Variants in DNAI1 observed in about 807,000 individuals in gnomAD.
The protein encoded by DNAI1 is dynein axonemal intermediate chain 1.
In DNAI1, 67 loss-of-function variants were observed where a neutral mutation model predicts 92.0. The observed-to-expected ratio is 0.73, with a 90% CI of 0.60 to 0.89. The LOEUF (loss-of-function observed/expected upper bound fraction) is 0.89. DNAI1 is among the 40% of genes least tolerant of loss of function. DNAI1 has a pLI of 0.00. For synonymous variants in DNAI1, 323 were observed against 319.6 expected, an observed-to-expected ratio of 1.01 and a Z score of -0.11; for missense variants, 839 against 866.6, an observed-to-expected ratio of 0.97 and a Z score of 0.40.
intron 1 of DNAI1, among the ~76,000 whole-genome samples, chr9:34,483,031 G>A (rs1187899851): frequency 6.6e-6 from 1 of 152,200 alleles, no homozygotes; most frequent in Non-Finnish European, 1.5e-5. Flanking sequence ...ATTGCCCGGG[G>A]CCAGCAGGGC....
intron 16 of DNAI1, among the ~76,000 whole-genome samples, chr9:34,513,444 C>G (rs541763747): frequency 1.3e-5 from 2 of 152,276 alleles, no homozygotes; most frequent in East Asian, 3.9e-4. Context: ...CCCTCCCTCC[C>G]TTCCTGGGAG....
At position 34,490,006 on chromosome 9, in the gene DNAI1, A is replaced by G. The variant is rs878854966; in HGVS notation, c.389-6A>G. 9.3e-6 allele frequency: 15 copies of G among 1,613,896 alleles called. No individual in the cohort carries two copies. The highest frequency in any genetic ancestry group is 1.2e-5 in the Non-Finnish European group (14 of 1,179,952). ...ACTTTGAACTCATTGGCAGTATCCT[A>G]CCAAGGTTCTCAGGAGTCTGTCAAG... On this transcript the variant is annotated splice_polypyrimidine_tract_variant and splice_region_variant and intron_variant, in intron 5 of 19. Coordinates refer to ENST00000242317, the MANE Select transcript of DNAI1 (RefSeq NM_012144.4).
At chr9:34,494,741 G>T (rs1824681729) in intron 9 of DNAI1, among the ~76,000 whole-genome samples, 1 of 152,172 alleles carries the variant, frequency 6.6e-6, no homozygotes, top group Non-Finnish European at 1.5e-5. Context: ...CAGCTTAGCT[G>T]ACTTGGAAGA....
intron 1 of DNAI1, among the ~76,000 whole-genome samples, chr9:34,480,704 GA>G (rs2132052726): frequency 6.6e-6 from 1 of 152,282 alleles, no homozygotes; most frequent in South Asian, 2.1e-4. Context: ...AGCACATTGG[GA>G]GGCTGAAGCG....
rs1564030943 is a variant in DNAI1, at chr9:34,483,461, GCAGAGGAAC to G, written c.66_74del (p.Gly23_Arg25del). 6.2e-7 allele frequency: 1 copy of G among 1,612,322 alleles called. No homozygotes were observed. The highest frequency in any genetic ancestry group is 1.1e-5 in the South Asian group (1 of 91,040). ...TTCTTCATTTAGAGCATCAGCATAG[GCAGAGGAAC>G]CAGGAAGAGAGTAAGTGCTGAGACT... is the stretch of plus-strand genomic sequence containing the variant. On this transcript the variant is annotated inframe_deletion, in exon 2 of 20. Coordinates refer to ENST00000242317, the MANE Select transcript of DNAI1 (RefSeq NM_012144.4).
rs1390287729 is a variant in DNAI1 at position 34,490,379 on chromosome 9, A to G, written c.512A>G (p.Lys171Arg). ...GGTCTTTATTTTCAGGCAGCTGAAA[A>G]AGTGACTGAAGAAGAATTGATGACT... ...TDVPAAGAAE[K>R]VTEEELMTPK... The change falls in exon 7 of 20, where the codon AAA becomes AGA. Residue 171 changes from lysine to arginine, a missense_variant. Coordinates refer to ENST00000242317, the MANE Select transcript of DNAI1 (RefSeq NM_012144.4). 1.9e-6 allele frequency: 3 copies of G among 1,614,156 alleles called. No individual in the cohort carries two copies. The highest frequency in any genetic ancestry group is 2.5e-6 in the Non-Finnish European group (3 of 1,180,034).
At chr9:34,469,970 A>G (rs894265114) in intron 1 of DNAI1, among the ~76,000 whole-genome samples, 12 of 152,262 alleles carry the variant, frequency 7.9e-5, no homozygotes, top group African/African-American at 2.9e-4. Flanking sequence ...CACTGTATAC[A>G]GAAATAAAAT....
At chr9:34,514,311 AG>A (rs1452082077) in intron 16 of DNAI1, 82 bp from the exon 17 acceptor site, 13 of 1,560,676 alleles carry the variant, frequency 8.3e-6, no homozygotes, top group Admixed American at 3.3e-5. Context: ...CAGGAGTCTA[AG>A]GCTCTGATCC....
intron 16 of DNAI1, among the ~76,000 whole-genome samples, chr9:34,513,627 G>A (rs1451075065): frequency 1.3e-5 from 2 of 152,210 alleles, no homozygotes; most frequent in Non-Finnish European, 2.9e-5. Flanking sequence ...AGTGGTAGTA[G>A]GTGAACGTCC....
rs375547221 is a variant in DNAI1, at chr9:34,489,420, G to A, written c.359G>A (p.Arg120Gln). The change falls in exon 5 of 20, where the codon CGG (arginine) becomes CAG (glutamine). Residue 120 changes from arginine (R) to glutamine (Q), a missense_variant. Arg to Gln is a conservative substitution (Grantham distance 43, BLOSUM62 1). Transcript: ENST00000242317. ...LIPKDSDEGR[R>Q]QHYRDELVAG... ...CCCAAAGACTCAGATGAAGGACGGC[G>A]GCAGCATTACCGCGATGAATTAGTG... The A allele has an allele frequency of 1.5e-5, 25 of 1,613,852 alleles. No individual in the cohort carries two copies. The highest frequency in any genetic ancestry group is 1.7e-4 in the Middle Eastern group (1 of 6,000).
intron 1 of DNAI1, among the ~76,000 whole-genome samples, chr9:34,482,454 G>T (rs568074234): frequency 5.8e-4 from 87 of 150,678 alleles, no homozygotes; most frequent in African/African-American, 2.1e-3. Flanking sequence ...GCTAAACACA[G>T]GGTGCTGATT....
In DNAI1 at chr9:34,501,182, G is replaced by A. The variant is rs1268770869; in HGVS notation, c.1063+1G>A. The A allele has an allele frequency of 6.2e-7, 1 of 1,611,408 alleles. No individual in the cohort carries two copies. Among genetic ancestry groups the A allele is most frequent in the Non-Finnish European group, 8.5e-7 (1 of 1,177,522 alleles). ...CTGTTTGCAGTGGGATATGGCTCTT[G>A]TAAGTGATCTGACTATTCATTTATT... On this transcript the variant is annotated splice_donor_variant, in intron 12 of 19. Coordinates refer to ENST00000242317, the MANE Select transcript of DNAI1 (RefSeq NM_012144.4). LOFTEE classifies it high-confidence loss of function.
At chr9:34,467,333 C>T (rs1475797011) in intron 1 of DNAI1, among the ~76,000 whole-genome samples, 1 of 152,084 alleles carries the variant, frequency 6.6e-6, no homozygotes, top group African/African-American at 2.4e-5. Context: ...CATGATGGCT[C>T]ATGGCTGTAA....
At chr9:34,483,777 C>A (rs907818461) in intron 2 of DNAI1, among the ~76,000 whole-genome samples, 1 of 152,220 alleles carries the variant, frequency 6.6e-6, no homozygotes, top group South Asian at 2.1e-4. Flanking sequence ...ACATGTTTTT[C>A]ACATAAAATA....
intron 1 of DNAI1, among the ~76,000 whole-genome samples, chr9:34,460,078 G>A (rs1823918948): frequency 6.6e-6 from 1 of 152,134 alleles, no homozygotes; most frequent in African/African-American, 2.4e-5. Flanking sequence ...GATTCATTCA[G>A]CTATGTGAAC....
chr9:34,506,708 G>A lies in DNAI1; in HGVS notation c.1145G>A (p.Ser382Asn), dbSNP rs141690214. Reference sequence around the variant, plus strand: ...AGCTTCCCTGAGTACATGTTCAGCAGCAACAGCGGCGTCATGTGTCTCGAC... The same window carrying A: ...AGCTTCCCTGAGTACATGTTCAGCAACAACAGCGGCGTCATGTGTCTCGAC... ...NPSFPEYMFS[S>N]NSGVMCLDIH... The change falls in exon 13 of 20, where the codon AGC becomes AAC. Residue 382 changes from serine to asparagine, a missense_variant. Coordinates refer to ENST00000242317, the MANE Select transcript of DNAI1 (RefSeq NM_012144.4). 7.9e-5 allele frequency: 128 copies of A among 1,614,096 alleles called. No individual in the cohort carries two copies. The African/African-American group carries it at 1.6e-3, about 20-fold the overall frequency.
intron 1 of DNAI1, among the ~76,000 whole-genome samples, chr9:34,465,223 A>G (rs1190601199): frequency 6.6e-6 from 1 of 152,194 alleles, no homozygotes; most frequent in Non-Finnish European, 1.5e-5. Flanking sequence ...ACAGACTTGA[A>G]TATATTAAAT....
intron 8 of DNAI1, among the ~76,000 whole-genome samples, chr9:34,492,493 G>GATAGATATAGAT (rs1554688186): frequency 1.5e-5 from 1 of 68,268 alleles, no homozygotes; most frequent in African/African-American, 5.1e-5. Context: ...GGGATATGAA[G>GATAGATATAGAT]ATATATATAT....
At position 34,517,418 on chromosome 9, in the gene DNAI1, G is replaced by C; in HGVS notation, c.1952G>C (p.Gly651Ala). 1 of 1,614,150 alleles carries C rather than the reference G, an allele frequency of 6.2e-7. No homozygotes were observed. Among genetic ancestry groups the C allele is most frequent in the East Asian group, 2.2e-5 (1 of 44,876 alleles). ...HPIIIVGDDR[G>A]HIISLKLSPN... ...ATCATCATTGTGGGCGATGACCGTG[G>C]GCACATCATCAGCCTCAAGCTCTCA... The change falls in exon 19 of 20, where the codon GGG becomes GCG. Residue 651 changes from glycine to alanine, a missense_variant. Transcript: ENST00000242317.
Sources: gnomAD v4.1 joint callset for allele counts (sites outside exome capture counted in the v4.1 genomes callset) on GRCh38, gnomAD v4.1.1 for gene constraint, MANE v1.5 for transcripts, NCBI Gene and HGNC (gene_info 2026-07-23, HGNC 2026-07-21) for gene names.